LRRC4C: variants seen among roughly 807,000 people sequenced by gnomAD.
LRRC4C encodes the protein leucine-rich repeat-containing protein 4C.
In LRRC4C, 5 loss-of-function variants were observed where a neutral mutation model predicts 33.6. That is an observed-to-expected ratio of 0.15 (90% CI 0.08 to 0.31). The LOEUF (loss-of-function observed/expected upper bound fraction) is 0.31, where lower values mean the gene tolerates loss of function less well. Among genes scored for constraint, LRRC4C ranks in the 10% least tolerant of loss-of-function variants. LRRC4C has a pLI of 1.00. For missense variants in LRRC4C, 560 were observed against 796.7 expected (o/e 0.70, Z 3.58); for synonymous variants, 329 against 302.0 (o/e 1.09, Z -0.93).
rs61129430 is a variant in LRRC4C at position 40,485,248 on chromosome 11, GACACAC to G, written c.-270+162888_-270+162893del. On this transcript the variant is annotated intron_variant, in intron 3 of 6. Transcript: ENST00000528697. ...ACAGTAAAAATATGGTGATAAGAGG[GACACAC>G]ACACACACACACGTATTTGCCATCA... is the stretch of plus-strand genomic sequence containing the variant. Among the ~76,000 whole-genome samples, 709 of 150,694 alleles carry G rather than the reference GACACAC, an allele frequency of 4.7e-3. 5 individuals carry two copies. Among genetic ancestry groups the G allele is most frequent in the Non-Finnish European group, 8.1e-3 (546 of 67,506 alleles).
intron 3 of LRRC4C, among the ~76,000 whole-genome samples, chr11:40,640,186 C>T (rs1358033099): frequency 2.6e-5 from 4 of 152,102 alleles, no homozygotes; most frequent in East Asian, 1.9e-4. Flanking sequence ...CTCTTTTACA[C>T]GTATTTTTAA....
At chr11:40,549,142 T>A (rs1957040162) in intron 3 of LRRC4C, among the ~76,000 whole-genome samples, 2 of 152,288 alleles carry the variant, frequency 1.3e-5, no homozygotes, top group South Asian at 4.2e-4. Flanking sequence ...TGAGTGAACA[T>A]CTATTTATTA....
chr11:40,840,388 T>C (rs755094852), intron 2 of LRRC4C, among the ~76,000 whole-genome samples: 1 of 152,124 alleles, frequency 6.6e-6, no homozygotes, highest in Non-Finnish European at 1.5e-5. Flanking sequence ...TATTTCAACA[T>C]CCCCTCCTTT....
chr11:40,725,607 TA>T (rs765558939), intron 2 of LRRC4C, among the ~76,000 whole-genome samples: 2 of 152,082 alleles, frequency 1.3e-5, no homozygotes, highest in African/African-American at 2.4e-5. Flanking sequence ...ATTTTCTTCA[TA>T]ATAATCTCAT....
intron 1 of LRRC4C, among the ~76,000 whole-genome samples, chr11:41,328,854 A>G (rs1951205795): frequency 6.6e-6 from 1 of 152,156 alleles, no homozygotes; most frequent in Non-Finnish European, 1.5e-5. Context: ...CTTCTGAATC[A>G]TCTTGTGGTT....
At chr11:41,394,912 G>A (rs866105986) in intron 1 of LRRC4C, 6 of 151,914 alleles carry the variant, frequency 3.9e-5, no homozygotes, top group East Asian at 1.9e-4. Context: ...AAATGCTATC[G>A]TGGTATATGG....
intron 4 of LRRC4C, among the ~76,000 whole-genome samples, chr11:40,302,122 G>A (rs144396723): frequency 6.6e-6 from 1 of 152,298 alleles, no homozygotes; most frequent in East Asian, 1.9e-4. Flanking sequence ...AAATATGCTT[G>A]TGGCTAATAA....
intron 4 of LRRC4C, among the ~76,000 whole-genome samples, chr11:40,287,136 G>A (rs558370241): frequency 6.6e-6 from 1 of 152,128 alleles, no homozygotes; most frequent in East Asian, 1.9e-4. Flanking sequence ...GAGGTAAGTT[G>A]AATTGTACAA....
chr11:41,162,061 C>T (rs1432803432), intron 1 of LRRC4C, among the ~76,000 whole-genome samples: 4 of 152,100 alleles, frequency 2.6e-5, no homozygotes, highest in African/African-American at 9.7e-5. Context: ...CACTCTGCAC[C>T]TCATGAGGTA....
At chr11:40,658,623 T>C (rs1304550763) in intron 2 of LRRC4C, among the ~76,000 whole-genome samples, 1 of 152,150 alleles carries the variant, frequency 6.6e-6, no homozygotes, top group Non-Finnish European at 1.5e-5. Context: ...GGTGAAGTCA[T>C]GGGACAGGAA....
chr11:40,776,609 G>T (rs1950006152), intron 2 of LRRC4C, among the ~76,000 whole-genome samples: 1 of 151,684 alleles, frequency 6.6e-6, no homozygotes. Context: ...TGCTTATTTG[G>T]ATTTTTTTCT....
chr11:40,600,330 T>G (rs1278194613), intron 3 of LRRC4C, among the ~76,000 whole-genome samples: 2 of 152,162 alleles, frequency 1.3e-5, no homozygotes, highest in Non-Finnish European at 2.9e-5. Context: ...ACAAAAGAGT[T>G]AACTGAGGCT....
chr11:40,221,037 A>G (rs1864377146), intron 5 of LRRC4C, among the ~76,000 whole-genome samples: 2 of 151,976 alleles, frequency 1.3e-5, no homozygotes, highest in South Asian at 2.1e-4. Flanking sequence ...CACCATGCCC[A>G]GCTAATTTTT....
intron 1 of LRRC4C, among the ~76,000 whole-genome samples, chr11:41,016,530 T>C (rs7129620): frequency 0.56 from 85,098 of 152,040 alleles, 24,146 homozygotes; most frequent in South Asian, 0.63. Flanking sequence ...TGCGATCTTA[T>C]TTGCTACAAA....
At chr11:40,586,309 T>G (rs565869477) in intron 3 of LRRC4C, among the ~76,000 whole-genome samples, 1 of 150,882 alleles carries the variant, frequency 6.6e-6, no homozygotes, top group Non-Finnish European at 1.5e-5. Context: ...TCACCCACTT[T>G]TTGATGGGGT....
chr11:40,440,825 G>A (rs1046419748), intron 3 of LRRC4C, among the ~76,000 whole-genome samples: 1 of 151,296 alleles, frequency 6.6e-6, no homozygotes, highest in African/African-American at 2.4e-5. Context: ...AAGGGAGTCC[G>A]CTCATTTTGT....
intron 2 of LRRC4C, among the ~76,000 whole-genome samples, chr11:40,833,303 A>G (rs1952502386): frequency 1.3e-5 from 2 of 152,152 alleles, no homozygotes; most frequent in Admixed American, 1.3e-4. Context: ...TTCAAAACCC[A>G]GTGCTGTTCA....
intron 1 of LRRC4C, among the ~76,000 whole-genome samples, chr11:41,256,959 T>A (rs984252360): frequency 5.9e-5 from 9 of 151,994 alleles, no homozygotes; most frequent in Non-Finnish European, 1.2e-4. Flanking sequence ...GATCATAGGT[T>A]ATTGGCATTT....
chr11:40,471,434 A>G (rs1183300100), intron 3 of LRRC4C, among the ~76,000 whole-genome samples: 3 of 152,196 alleles, frequency 2.0e-5, no homozygotes, highest in Non-Finnish European at 4.4e-5. Context: ...GCAAAAACAT[A>G]CCAAATTGTA....
Sources: gnomAD v4.1 joint callset for allele counts (sites outside exome capture counted in the v4.1 genomes callset) on GRCh38, gnomAD v4.1.1 for gene constraint, MANE v1.5 for transcripts, NCBI Gene and HGNC (gene_info 2026-07-23, HGNC 2026-07-21) for gene names.